NCKAP5: variants seen among roughly 807,000 people sequenced by gnomAD.
The protein encoded by NCKAP5 is nck-associated protein 5.
Under a neutral mutation model 167.0 loss-of-function variants are expected in NCKAP5, and 92 were observed. That is an observed-to-expected ratio of 0.55 (90% CI 0.47 to 0.66). NCKAP5 has a LOEUF of 0.66. NCKAP5 is among the 30% of genes least tolerant of loss of function. The pLI, the probability that NCKAP5 is intolerant of heterozygous loss-of-function variation, is 0.00. For synonymous variants in NCKAP5, 891 were observed against 877.4 expected, an observed-to-expected ratio of 1.02 and a Z score of -0.27; for missense variants, 2,378 against 2,315.0, an observed-to-expected ratio of 1.03 and a Z score of -0.56.
chr2:133,157,978 TA>T (rs1470004101), intron 5 of NCKAP5, among the ~76,000 whole-genome samples: 1 of 152,206 alleles, frequency 6.6e-6, no homozygotes, highest in Non-Finnish European at 1.5e-5. Flanking sequence ...AGAGTAGTAG[TA>T]ATATGGTTGC....
At chr2:132,762,134 C>T (rs1427538475) in intron 16 of NCKAP5, among the ~76,000 whole-genome samples, 1 of 152,192 alleles carries the variant, frequency 6.6e-6, no homozygotes, top group Non-Finnish European at 1.5e-5. Flanking sequence ...TCCTCATCTT[C>T]AAATAGCGAC....
intron 8 of NCKAP5, among the ~76,000 whole-genome samples, chr2:132,920,311 T>G (rs1479821290): frequency 6.6e-6 from 1 of 152,102 alleles, no homozygotes; most frequent in Non-Finnish European, 1.5e-5. Flanking sequence ...TAGGTAGGAA[T>G]AACAACACAT....
chr2:132,680,181 TCAA>T lies in NCKAP5; in HGVS notation c.5714-6879_5714-6877del, dbSNP rs200801237. On this transcript the variant is annotated intron_variant, in intron 19 of 19. Coordinates refer to ENST00000409261, the MANE Select transcript of NCKAP5 (RefSeq NM_207363.3). ...CCGGTGCTCGGTTCCCTCTATTACC[TCAA>T]CTGGACACATTACTCTTGACTTGCC... Among the ~76,000 whole-genome samples, 733 of 152,220 alleles carry T rather than the reference TCAA, an allele frequency of 4.8e-3. 4 individuals carry two copies. Among genetic ancestry groups the T allele is most frequent in the African/African-American group, 0.017 (700 of 41,538 alleles).
At chr2:133,489,588 A>G (rs1184224898) in intron 3 of NCKAP5, among the ~76,000 whole-genome samples, 2 of 152,242 alleles carry the variant, frequency 1.3e-5, no homozygotes, top group Admixed American at 6.5e-5. Context: ...CTAAACTTAT[A>G]CAATCTTCCA....
intron 19 of NCKAP5, among the ~76,000 whole-genome samples, chr2:132,704,292 A>C (rs72844755): frequency 0.077 from 11,657 of 152,132 alleles, 507 homozygotes; most frequent in Middle Eastern, 0.13. Context: ...ATTTCATGTC[A>C]TCTGACTGCC....
At chr2:133,181,390 A>T (rs992911648) in intron 5 of NCKAP5, among the ~76,000 whole-genome samples, 1 of 152,090 alleles carries the variant, frequency 6.6e-6, no homozygotes, top group Non-Finnish European at 1.5e-5. Context: ...ACATGCAAGG[A>T]AAAAAAGCAC....
At chr2:132,794,511 C>T (rs1402207740) in intron 12 of NCKAP5, among the ~76,000 whole-genome samples, 1 of 151,600 alleles carries the variant, frequency 6.6e-6, no homozygotes, top group African/African-American at 2.4e-5. Flanking sequence ...TGGTGTGCAC[C>T]TGTAATCCCA....
chr2:132,905,537 T>G (rs1049546828), intron 8 of NCKAP5, among the ~76,000 whole-genome samples: 3 of 152,214 alleles, frequency 2.0e-5, no homozygotes, highest in Non-Finnish European at 2.9e-5. Context: ...AATCCAACCT[T>G]AAATTTTGGG....
chr2:133,004,291 C>G (rs1429909235), intron 6 of NCKAP5, among the ~76,000 whole-genome samples: 1 of 152,124 alleles, frequency 6.6e-6, no homozygotes, highest in Admixed American at 6.5e-5. Context: ...TAAATACAGC[C>G]AGGTTTTAAA....
At chr2:133,516,659 C>T (rs1684028370) in intron 3 of NCKAP5, among the ~76,000 whole-genome samples, 1 of 152,208 alleles carries the variant, frequency 6.6e-6, no homozygotes, top group African/African-American at 2.4e-5. Context: ...ATTGAACCCC[C>T]ACTCTGCTAG....
At chr2:133,660,373 T>C in the NCKAP5 span, among the ~76,000 whole-genome samples, 1 of 152,220 alleles carries the variant, frequency 6.6e-6, no homozygotes, top group Non-Finnish European at 1.5e-5. Flanking sequence ...GCCAAGAGCA[T>C]GTTTTCTTTA....
At chr2:132,876,519 A>C (rs1304073585) in intron 9 of NCKAP5, among the ~76,000 whole-genome samples, 1 of 152,232 alleles carries the variant, frequency 6.6e-6, no homozygotes, top group Non-Finnish European at 1.5e-5. Context: ...AAAACCTTGA[A>C]AAGAATTTCC....
chr2:133,379,378 T>C (rs1254613431), intron 3 of NCKAP5, among the ~76,000 whole-genome samples: 1 of 152,224 alleles, frequency 6.6e-6, no homozygotes, highest in Admixed American at 6.5e-5. Flanking sequence ...ACCCTGCATC[T>C]GAACTCCAGA....
At chr2:132,925,871 G>GT (rs1384242020) in intron 8 of NCKAP5, among the ~76,000 whole-genome samples, 1 of 152,180 alleles carries the variant, frequency 6.6e-6, no homozygotes, top group East Asian at 1.9e-4. Flanking sequence ...CAGGTGTTAT[G>GT]TTTTTTACTA....
At chr2:132,696,686 T>A (rs1021203684) in intron 19 of NCKAP5, among the ~76,000 whole-genome samples, 9 of 152,128 alleles carry the variant, frequency 5.9e-5, no homozygotes, top group African/African-American at 2.2e-4. Flanking sequence ...TGTAGACAGA[T>A]TAAAAAAGCT....
intron 6 of NCKAP5, chr2:133,117,028 A>G (rs4954026): frequency 0.82 from 124,897 of 152,182 alleles, 51,987 homozygotes; most frequent in East Asian, 0.98. Flanking sequence ...CAACAGCTAC[A>G]ATACATCCAA....
At chr2:133,201,331 T>C (rs552504707) in intron 5 of NCKAP5, among the ~76,000 whole-genome samples, 12 of 152,242 alleles carry the variant, frequency 7.9e-5, no homozygotes, top group Admixed American at 4.6e-4. Flanking sequence ...AGACTACAGC[T>C]AGACACAGAT....
the NCKAP5 span, among the ~76,000 whole-genome samples, chr2:133,657,473 C>T: frequency 1.3e-5 from 2 of 152,322 alleles, no homozygotes; most frequent in East Asian, 1.9e-4. Flanking sequence ...TAATATCTTC[C>T]CTGACCATGG....
chr2:133,324,928 G>T (rs906384013), intron 3 of NCKAP5, among the ~76,000 whole-genome samples: 1 of 152,088 alleles, frequency 6.6e-6, no homozygotes, highest in Non-Finnish European at 1.5e-5. Flanking sequence ...GGCTGGTCTC[G>T]AAGTCCTGAC....
Sources: gnomAD v4.1 joint callset for allele counts (sites outside exome capture counted in the v4.1 genomes callset) on GRCh38, gnomAD v4.1.1 for gene constraint, MANE v1.5 for transcripts, NCBI Gene and HGNC (gene_info 2026-07-23, HGNC 2026-07-21) for gene names.